PCDH7: variants seen among roughly 807,000 people sequenced by gnomAD.
The protein encoded by PCDH7 is protocadherin-7.
A neutral mutation model predicts 58.9 loss-of-function variants in PCDH7; 17 were observed. The ratio of observed to expected loss-of-function variants is 0.29; its 90% CI spans 0.20 to 0.43. PCDH7 has a LOEUF of 0.43. Among genes scored for constraint, PCDH7 ranks in the 20% least tolerant of loss-of-function variants. The pLI is 1.00. For missense variants in PCDH7, 1,274 were observed against 1,441.0 expected (o/e 0.88, Z 1.88); for synonymous variants, 664 against 616.4 (o/e 1.08, Z -1.14).
intron 1 of PCDH7, among the ~76,000 whole-genome samples, chr4:30,914,425 A>G (rs1289076695): frequency 6.6e-6 from 1 of 152,244 alleles, no homozygotes; most frequent in Non-Finnish European, 1.5e-5. Flanking sequence ...ATACCATTCC[A>G]AAATAACTGA....
chr4:30,814,128 T>C (rs1212277017), intron 1 of PCDH7, among the ~76,000 whole-genome samples: 2 of 152,150 alleles, frequency 1.3e-5, no homozygotes, highest in Non-Finnish European at 2.9e-5. Context: ...AGGTAACATT[T>C]ATTTATTTTA....
chr4:30,782,980 G>A (rs1021555626), intron 1 of PCDH7: 3 of 152,226 alleles, frequency 2.0e-5, no homozygotes, highest in African/African-American at 4.8e-5. Context: ...TTGGGGTGGT[G>A]TTTCTTGAGC....
At chr4:31,046,860 C>T (rs1014977854) in intron 3 of PCDH7, among the ~76,000 whole-genome samples, 1 of 151,900 alleles carries the variant, frequency 6.6e-6, no homozygotes, top group Admixed American at 6.6e-5. Flanking sequence ...TTATAATTTT[C>T]AGTTTGCACA....
Position 31,138,988 on chromosome 4 carries a change from A to G in PCDH7, c.*8-3485A>G, listed in dbSNP as rs937138986. The stretch of plus-strand genomic sequence containing the variant: ...GAGATCCTGTCTCAAAAAAAAAAAA[A>G]AGAAAAGAAAAAAAACTCTACTTTC... On this transcript the variant is annotated intron_variant, in intron 3 of 3. Transcript: ENST00000509759. Among the ~76,000 whole-genome samples the G allele has an allele frequency of 2.0e-5, 3 of 151,520 alleles. 1 individual carries two copies. Among genetic ancestry groups the G allele is most frequent in the African/African-American group, 7.3e-5 (3 of 41,062 alleles).
chr4:31,004,440 TG>T (rs1323634686), intron 3 of PCDH7, among the ~76,000 whole-genome samples: 1 of 152,144 alleles, frequency 6.6e-6, no homozygotes, highest in Non-Finnish European at 1.5e-5. Context: ...CCGGGCGTGG[TG>T]GCTTACACCT....
intron 3 of PCDH7, among the ~76,000 whole-genome samples, chr4:30,979,634 A>G (rs1026073724): frequency 1.1e-4 from 17 of 151,752 alleles, no homozygotes; most frequent in African/African-American, 2.2e-4. Flanking sequence ...ATGCACTATC[A>G]TATGATCTTG....
chr4:31,135,146 C>T (rs1206619363), intron 3 of PCDH7, among the ~76,000 whole-genome samples: 1 of 151,996 alleles, frequency 6.6e-6, no homozygotes, highest in Non-Finnish European at 1.5e-5. Context: ...TTGTCTTGTC[C>T]TGATTTTCAA....
chr4:30,730,845 C>T (rs1013427478), exon 2 of PCDH7: 12 of 1,534,286 alleles, frequency 7.8e-6, no homozygotes, highest in East Asian at 4.8e-5. Context: ...CTTTCTACTC[C>T]GAAACCTGCT....
At chr4:30,955,494 T>C (rs1747758319) in intron 3 of PCDH7, among the ~76,000 whole-genome samples, 1 of 122,854 alleles carries the variant, frequency 8.1e-6, no homozygotes, top group Non-Finnish European at 1.6e-5. Context: ...TTTTATTTTA[T>C]TATTGTATTT....
chr4:30,931,577 A>C (rs2109426559), intron 2 of PCDH7, among the ~76,000 whole-genome samples: 1 of 151,942 alleles, frequency 6.6e-6, no homozygotes, highest in African/African-American at 2.4e-5. Context: ...TCCATCTCAA[A>C]AAAATATATA....
At chr4:30,907,416 C>A (rs1475112849) in intron 1 of PCDH7, among the ~76,000 whole-genome samples, 19 of 152,126 alleles carry the variant, frequency 1.2e-4, no homozygotes, top group Admixed American at 1.2e-3. Flanking sequence ...CAAGAAAAAA[C>A]AACCCCATCA....
chr4:30,878,883 T>G (rs1313237054), intron 1 of PCDH7, among the ~76,000 whole-genome samples: 2 of 152,026 alleles, frequency 1.3e-5, no homozygotes, highest in East Asian at 3.9e-4. Context: ...GAAATACCTT[T>G]CCATTATTTC....
chr4:30,893,803 A>G (rs1738920150), intron 1 of PCDH7, among the ~76,000 whole-genome samples: 1 of 152,226 alleles, frequency 6.6e-6, no homozygotes, highest in South Asian at 2.1e-4. Context: ...GAAGGACCAC[A>G]TGCCTTCCAT....
chr4:31,105,271 A>G (rs547200196), intron 3 of PCDH7, among the ~76,000 whole-genome samples: 1 of 152,262 alleles, frequency 6.6e-6, no homozygotes, highest in East Asian at 1.9e-4. Flanking sequence ...TTGTGACAGT[A>G]AATTTATATC....
chr4:30,963,442 T>G (rs965706959), intron 3 of PCDH7, among the ~76,000 whole-genome samples: 1 of 152,214 alleles, frequency 6.6e-6, no homozygotes, highest in African/African-American at 2.4e-5. Flanking sequence ...ATCATTATAA[T>G]ATGATATACT....
At position 30,723,208 on chromosome 4, in the gene PCDH7, G is replaced by A. The variant is rs148294422; in HGVS notation, c.1786G>A (p.Val596Met). 1.9e-5 allele frequency: 30 copies of A among 1,614,098 alleles called. No homozygotes were observed. The East Asian group carries it at 2.7e-4, about 14-fold the overall frequency. ...TTCTGGGGACATCCTGGTCAATACC[G>A]TGCTGGACCGCGAGCAGACTGACAG... Residue 596 changes from valine (V) to methionine (M), a missense_variant, in exon 1 of 2, where the codon GTG becomes ATG. Physicochemically the swap from Val to Met is conservative, Grantham distance 21. Coordinates refer to ENST00000361762, the Ensembl canonical transcript of PCDH7. This position sits in a 1 kb window ranked among gnomAD's most constrained non-coding sequence, Gnocchi z 4.6.
intron 3 of PCDH7, among the ~76,000 whole-genome samples, chr4:31,049,734 C>T (rs752223427): frequency 3.3e-5 from 5 of 152,184 alleles, no homozygotes; most frequent in Admixed American, 2.0e-4. Flanking sequence ...TCCTCAGACA[C>T]GATATCTTTC....
At chr4:30,837,971 A>G (rs750761286) in intron 1 of PCDH7, among the ~76,000 whole-genome samples, 8 of 150,518 alleles carry the variant, frequency 5.3e-5, no homozygotes, top group South Asian at 2.1e-4. Flanking sequence ...TTCTGTTCCA[A>G]TTTGGCATTA....
chr4:31,085,293 G>C (rs1417066086), intron 3 of PCDH7, among the ~76,000 whole-genome samples: 1 of 152,112 alleles, frequency 6.6e-6, no homozygotes, highest in Admixed American at 6.5e-5. Context: ...AAGTTGCAGG[G>C]TCTGCAAAAT....
Sources: gnomAD v4.1 joint callset for allele counts (sites outside exome capture counted in the v4.1 genomes callset) on GRCh38, gnomAD v4.1.1 for gene constraint, Gnocchi (gnomAD v3.1) non-coding constraint, MANE v1.5 for transcripts, NCBI Gene and HGNC (gene_info 2026-07-23, HGNC 2026-07-21) for gene names.